The following RTN4RL1 variants were observed in gnomAD, a reference collection of about 807,000 sequenced individuals.
RTN4RL1 encodes the protein reticulon 4 receptor like 1, also known as reticulon-4 receptor-like 1.
In RTN4RL1, 7 loss-of-function variants were observed where a neutral mutation model predicts 25.6. The ratio of observed to expected loss-of-function variants is 0.27; its 90% CI spans 0.16 to 0.51. The LOEUF (loss-of-function observed/expected upper bound fraction) is 0.51. Among genes scored for constraint, RTN4RL1 ranks in the 20% least tolerant of loss-of-function variants. RTN4RL1 has a pLI of 0.97. For missense variants in RTN4RL1, 500 were observed against 615.6 expected (o/e 0.81, Z 1.99); for synonymous variants, 297 against 288.2 (o/e 1.03, Z -0.31).
chr17:2,010,578 G>A (rs1262627263), intron 1 of RTN4RL1, among the ~76,000 whole-genome samples: 1 of 152,050 alleles, frequency 6.6e-6, no homozygotes. Flanking sequence ...TTTAGAGATG[G>A]GGTCTTGCTC....
At chr17:1,984,619 C>G (rs2066880272) in intron 1 of RTN4RL1, among the ~76,000 whole-genome samples, 1 of 152,188 alleles carries the variant, frequency 6.6e-6, no homozygotes, top group Non-Finnish European at 1.5e-5. Context: ...GAATTCTGAT[C>G]CTTTCTGCGA....
rs548932837 is a variant in RTN4RL1, at chr17:1,963,947, A to G, written c.14-26139T>C. ...TCACCATGTTGGTCAGGCTGGTCTCAGACTCCCGACCTCAGGTGATCCACC... is the reference window on the plus strand; with the variant it reads ...TCACCATGTTGGTCAGGCTGGTCTCGGACTCCCGACCTCAGGTGATCCACC... On this transcript the variant is annotated intron_variant, in intron 1 of 1. Coordinates refer to ENST00000331238, the MANE Select transcript of RTN4RL1 (RefSeq NM_178568.4). 5.5e-4 allele frequency among the ~76,000 whole-genome samples: 83 copies of G among 152,238 alleles called. 2 individuals carry two copies. The South Asian group carries it at 0.017, about 31-fold the overall frequency.
intron 1 of RTN4RL1, among the ~76,000 whole-genome samples, chr17:1,979,150 G>T (rs1306110432): frequency 6.6e-6 from 1 of 152,246 alleles, no homozygotes; most frequent in African/African-American, 2.4e-5. Context: ...GCACGCACCT[G>T]TAATCCCAGT....
At chr17:1,996,017 G>A (rs888215744) in intron 1 of RTN4RL1, among the ~76,000 whole-genome samples, 4 of 152,192 alleles carry the variant, frequency 2.6e-5, no homozygotes, top group Non-Finnish European at 5.9e-5. Flanking sequence ...AGGGCGTGCT[G>A]AGCCTGTGAC....
intron 1 of RTN4RL1, among the ~76,000 whole-genome samples, chr17:1,953,753 C>T (rs761903328): frequency 2.6e-5 from 4 of 152,042 alleles, no homozygotes; most frequent in Non-Finnish European, 5.9e-5. Context: ...TTAGTAGAGG[C>T]GGGGTTTCAC....
At chr17:1,965,143 CTT>C (rs764842208) in intron 1 of RTN4RL1, among the ~76,000 whole-genome samples, 49 of 144,478 alleles carry the variant, frequency 3.4e-4, no homozygotes, top group Non-Finnish European at 4.7e-4. Context: ...TTGTTTCACT[CTT>C]GTTGCCCAAG....
rs1387419854 is a variant in RTN4RL1, at chr17:1,937,096, G to A, written c.726C>T (p.Ala242=). ...GGAGGAACTCCAGGGCCCCCAGCGG[G>A]GCCAGGCACTCACCCTGCAGCTCCG... The part of the protein sequence containing the change: ...SLSELQGECL[A]PLGALEFLRL... Residue 242 remains alanine (A), a synonymous_variant, in exon 2 of 2, where the codon GCC becomes GCT. Transcript: ENST00000331238. 1.9e-6 allele frequency: 3 copies of A among 1,607,776 alleles called. No homozygotes were observed. Among genetic ancestry groups the A allele is most frequent in the South Asian group, 2.2e-5 (2 of 90,252 alleles).
intron 1 of RTN4RL1, among the ~76,000 whole-genome samples, chr17:2,010,721 C>A (rs1023582199): frequency 7.1e-6 from 1 of 141,470 alleles, no homozygotes; most frequent in Non-Finnish European, 1.5e-5. Context: ...TCATGCCTGG[C>A]TAATTAAAAA....
intron 1 of RTN4RL1, among the ~76,000 whole-genome samples, chr17:1,946,612 GTGTC>G (rs143072269): frequency 0.091 from 13,569 of 149,262 alleles, 708 homozygotes; most frequent in Admixed American, 0.19. Context: ...TGTTGAATGT[GTGTC>G]TGTGTGCACG....
intron 1 of RTN4RL1, among the ~76,000 whole-genome samples, chr17:1,942,660 G>A (rs1915463283): frequency 1.3e-5 from 2 of 152,158 alleles, no homozygotes; most frequent in Admixed American, 6.5e-5. Context: ...GCTGTGTTGT[G>A]TTCAGGTCCT....
intron 1 of RTN4RL1, among the ~76,000 whole-genome samples, chr17:1,967,258 A>G (rs1039649154): frequency 6.4e-5 from 6 of 93,362 alleles, no homozygotes; most frequent in Non-Finnish European, 1.1e-4. Context: ...GACAAAACAA[A>G]CAAAACAAAC....
chr17:1,948,695 C>A (rs373572599), intron 1 of RTN4RL1, among the ~76,000 whole-genome samples: 1 of 148,460 alleles, frequency 6.7e-6, no homozygotes, highest in Admixed American at 6.7e-5. Context: ...TCCGTGGCGA[C>A]GAGACCGTCC....
chr17:2,004,467 C>G (rs2066980544), intron 1 of RTN4RL1, among the ~76,000 whole-genome samples: 1 of 150,890 alleles, frequency 6.6e-6, no homozygotes, highest in African/African-American at 2.4e-5. Flanking sequence ...GCGGGGCTTT[C>G]TTTTCCAGTC....
chr17:1,995,194 G>A (rs2066924033), intron 1 of RTN4RL1, among the ~76,000 whole-genome samples: 2 of 152,170 alleles, frequency 1.3e-5, no homozygotes, highest in South Asian at 2.1e-4. Flanking sequence ...GGGAGGCCAA[G>A]GCGGGTGGAT....
intron 1 of RTN4RL1, among the ~76,000 whole-genome samples, chr17:1,985,088 G>A (rs2066882404): frequency 6.6e-6 from 1 of 152,166 alleles, no homozygotes; most frequent in African/African-American, 2.4e-5. Flanking sequence ...ACCCTTTCAG[G>A]CAAATATACT....
At chr17:1,938,037 G>A (rs185379028) in intron 1 of RTN4RL1, among the ~76,000 whole-genome samples, 2 of 152,262 alleles carry the variant, frequency 1.3e-5, no homozygotes, top group East Asian at 3.9e-4. Context: ...GTGAGTCTGG[G>A]GTGAAGGCCC....
At chr17:2,021,581 G>A (rs566307402) in intron 1 of RTN4RL1, among the ~76,000 whole-genome samples, 1 of 124,188 alleles carries the variant, frequency 8.1e-6, no homozygotes, top group African/African-American at 3.2e-5. Flanking sequence ...TTGAGACAGA[G>A]TCTCGCATCT....
chr17:1,937,986 G>A (rs888499022), intron 1 of RTN4RL1, among the ~76,000 whole-genome samples, 178 bp from the exon 2 acceptor site: 9 of 152,244 alleles, frequency 5.9e-5, no homozygotes, highest in African/African-American at 1.9e-4. Context: ...GGGGATGAGA[G>A]GCCTCCCCTC....
intron 1 of RTN4RL1, among the ~76,000 whole-genome samples, chr17:1,977,468 CCT>C (rs2066847241): frequency 6.6e-6 from 1 of 152,176 alleles, no homozygotes; most frequent in Non-Finnish European, 1.5e-5. Context: ...TCCCCATCCC[CCT>C]GAGGATGACT....
Sources: gnomAD v4.1 joint callset for allele counts (sites outside exome capture counted in the v4.1 genomes callset) on GRCh38, gnomAD v4.1.1 for gene constraint, MANE v1.5 for transcripts, NCBI Gene and HGNC (gene_info 2026-07-23, HGNC 2026-07-21) for gene names.